PIPOX: variants seen among roughly 807,000 people sequenced by gnomAD.
The protein encoded by PIPOX is peroxisomal sarcosine oxidase.
In PIPOX, 45 loss-of-function variants were observed where a neutral mutation model predicts 47.9. The ratio of observed to expected loss-of-function variants is 0.94; its 90% CI spans 0.74 to 1.20. The LOEUF (loss-of-function observed/expected upper bound fraction) is 1.20, where lower values mean the gene tolerates loss of function less well. Ranked by LOEUF, PIPOX falls within the 50% of genes most tolerant of loss-of-function variation. The probability of loss-of-function intolerance (pLI) is 0.00; values close to 1 mark genes in which losing one functional copy is unlikely to be tolerated. For missense variants in PIPOX, 458 were observed against 498.4 expected, an observed-to-expected ratio of 0.92 and a Z score of 0.77; for synonymous variants, 165 against 191.3, an observed-to-expected ratio of 0.86 and a Z score of 1.13.
chr17:29,055,108 T>G lies in PIPOX; in HGVS notation c.853T>G (p.Cys285Gly), dbSNP rs1414649970. 2.5e-6 allele frequency: 4 copies of G among 1,614,054 alleles called. No individual in the cohort carries two copies. Among genetic ancestry groups the G allele is most frequent in the Non-Finnish European group, 3.4e-6 (4 of 1,179,998 alleles). ...CCACGCAGACCCTGAGGAGCGGGACTGCCCCACAGCACGCACAGACATCGG... is the reference window on the plus strand; with the variant it reads ...CCACGCAGACCCTGAGGAGCGGGACGGCCCCACAGCACGCACAGACATCGG... Reference protein sequence around the residue: ...GNHADPEERDCPTARTDIGDV... With the variant: ...GNHADPEERDGPTARTDIGDV... Residue 285 changes from cysteine (C) to glycine (G), a missense_variant, in exon 6 of 8, where the codon TGC becomes GGC. Physicochemically the swap from Cys to Gly is radical, Grantham distance 159 (BLOSUM62 -3). Coordinates refer to ENST00000323372, the MANE Select transcript of PIPOX (RefSeq NM_016518.3).
In PIPOX at chr17:29,052,922, A is replaced by G; in HGVS notation, c.266A>G (p.Gln89Arg). 6.2e-7 allele frequency: 1 copy of G among 1,614,168 alleles called. No homozygotes were observed. The highest frequency in any genetic ancestry group is 8.5e-7 in the Non-Finnish European group (1 of 1,179,970). ...CTAGGTGACTTATTTTTTAACAGGC[A>G]GACTGGATTACTGCTGCTGGGAATG... is the stretch of plus-strand genomic sequence containing the variant. ...EHEAGTQLHR[Q>R]TGLLLLGMKE... The change falls in exon 3 of 8, where the codon CAG (glutamine) becomes CGG (arginine). Residue 89 changes from glutamine (Q) to arginine (R), a missense_variant and splice_region_variant. Physicochemically the swap from Gln to Arg is conservative, Grantham distance 43. Transcript: ENST00000323372.
intron 2 of PIPOX, among the ~76,000 whole-genome samples, chr17:29,049,833 T>A (rs531651306): frequency 6.6e-6 from 1 of 152,326 alleles, no homozygotes; most frequent in African/African-American, 2.4e-5. Context: ...GGGTCTGGCA[T>A]CACACATTCA....
intron 2 of PIPOX, among the ~76,000 whole-genome samples, chr17:29,045,732 A>G (rs2065783342): frequency 1.3e-5 from 2 of 152,094 alleles, no homozygotes; most frequent in South Asian, 4.2e-4. Flanking sequence ...AGTCAAATCA[A>G]CATCCTAACT....
intron 2 of PIPOX, 70 bp from the exon 3 acceptor site, chr17:29,052,849 AG>A: frequency 7.6e-7 from 1 of 1,317,018 alleles, no homozygotes; most frequent in Non-Finnish European, 1.1e-6. Flanking sequence ...CTGGGATTAC[AG>A]GCGTGAGTCG....
chr17:29,049,684 C>T (rs541904950), intron 2 of PIPOX, among the ~76,000 whole-genome samples: 10 of 152,230 alleles, frequency 6.6e-5, no homozygotes, highest in Non-Finnish European at 1.3e-4. Flanking sequence ...CATTTATTTC[C>T]GATTTGCTCA....
rs773644440 is a variant in PIPOX, at chr17:29,054,573, G to A, written c.689G>A (p.Arg230Gln). The A allele has an allele frequency of 6.2e-6, 10 of 1,614,186 alleles. No individual in the cohort carries two copies. In the South Asian group the frequency reaches 8.8e-5, roughly 14 times the overall value. ...QTLRINVCYWREMVPGSYGVS... is the reference protein window; with the variant it reads ...QTLRINVCYWQEMVPGSYGVS... Reference sequence around the variant, plus strand: ...CTGCGGATCAACGTGTGTTACTGGCGAGAGATGGTTCCTGGGAGCTATGGT... The same window carrying A: ...CTGCGGATCAACGTGTGTTACTGGCAAGAGATGGTTCCTGGGAGCTATGGT... Residue 230 changes from arginine to glutamine, a missense_variant, in exon 5 of 8, where the codon CGA becomes CAA. By Grantham distance (43) the Arg-to-Gln change is conservative. Coordinates refer to ENST00000323372, the MANE Select transcript of PIPOX (RefSeq NM_016518.3).
chr17:29,055,897 G>A lies in PIPOX; in HGVS notation c.1042+9G>A. ...TGGTGCTGGATTCTCTGGTGAGTCT[G>A]AGCTGGGGGGAATGGGGTGCCTTAA... On this transcript the variant is annotated intron_variant, in intron 7 of 7. Transcript: ENST00000323372. 1.2e-6 allele frequency: 2 copies of A among 1,613,212 alleles called. No homozygotes were observed. Among genetic ancestry groups the A allele is most frequent in the Non-Finnish European group, 1.7e-6 (2 of 1,179,186 alleles).
intron 2 of PIPOX, among the ~76,000 whole-genome samples, chr17:29,050,387 T>G (rs2065801275): frequency 6.6e-6 from 1 of 152,156 alleles, no homozygotes; most frequent in Admixed American, 6.5e-5. Flanking sequence ...ACTTCATACT[T>G]ATTTGTTGAG....
chr17:29,047,146 G>C (rs758538546), intron 2 of PIPOX, among the ~76,000 whole-genome samples: 2 of 152,138 alleles, frequency 1.3e-5, no homozygotes, highest in Non-Finnish European at 2.9e-5. Flanking sequence ...AAGTAGCCAG[G>C]CATGGTGGTG....
intron 2 of PIPOX, among the ~76,000 whole-genome samples, chr17:29,047,318 G>A (rs2152698288): frequency 6.6e-6 from 1 of 152,172 alleles, no homozygotes; most frequent in Middle Eastern, 3.4e-3. Flanking sequence ...GAAAAGAAAA[G>A]AAAAGAAAAA....
rs370809915 is a variant in PIPOX, at chr17:29,045,720, A to G, written c.263+713A>G. On this transcript the variant is annotated intron_variant, in intron 2 of 7. Transcript: ENST00000323372. ...CACCGTGCCTGGCCCAGGATTCTTT[A>G]TAGTCAAATCAACATCCTAACTTTT... Among the ~76,000 whole-genome samples, 7 of 151,944 alleles carry G rather than the reference A, an allele frequency of 4.6e-5. No individual in the cohort carries two copies. The East Asian group carries it at 7.8e-4, about 17-fold the overall frequency.
intron 6 of PIPOX, 89 bp downstream of exon 6, chr17:29,055,310 G>T (rs1477653909): frequency 6.9e-7 from 1 of 1,459,826 alleles, no homozygotes; most frequent in South Asian, 1.2e-5. Flanking sequence ...AGGCCCGATT[G>T]TTTGACCCCT....
intron 1 of PIPOX, chr17:29,044,332 GTT>G (rs1393647073): frequency 6.6e-6 from 1 of 152,270 alleles, no homozygotes; most frequent in Non-Finnish European, 1.5e-5. Context: ...CAGCAGGATG[GTT>G]GAAGACTAGC....
rs2065773597 is a variant in PIPOX at position 29,043,307 on chromosome 17, A to G, written c.82A>G (p.Lys28Glu). 3.1e-6 allele frequency: 5 copies of G among 1,613,668 alleles called. No individual in the cohort carries two copies. The South Asian group carries it at 5.5e-5, about 18-fold the overall frequency. Residue 28 changes from lysine to glutamate, a missense_variant, in exon 1 of 8, where the codon AAA becomes GAA. Transcript: ENST00000323372. ...QGCFTAYHLA[K>E]HRKRILLLEQ... ...CTGCTTCACTGCATACCACCTGGCC[A>G]AACACAGGAAGAGGATCCTCCTGCT... is the stretch of plus-strand genomic sequence containing the variant.
At chr17:29,055,265 C>T in intron 6 of PIPOX, 44 bp downstream of exon 6, 2 of 1,610,058 alleles carry the variant, frequency 1.2e-6, no homozygotes, top group Middle Eastern at 3.3e-4. Flanking sequence ...CACCACTCTA[C>T]AGAAGGGAAG....
At chr17:29,055,947 G>A (rs937839888) in intron 7 of PIPOX, 59 bp downstream of exon 7, 9 of 1,483,066 alleles carry the variant, frequency 6.1e-6, no homozygotes, top group Non-Finnish European at 8.5e-6. Flanking sequence ...AGTGCCAGGT[G>A]AAATGGTATT....
Position 29,045,020 on chromosome 17 carries a change from A to T in PIPOX, c.263+13A>T, listed in dbSNP as rs768286025. The T allele has an allele frequency of 7.6e-6, 12 of 1,581,966 alleles. No homozygotes were observed. The highest frequency in any genetic ancestry group is 8.6e-6 in the Non-Finnish European group (10 of 1,162,528). On this transcript the variant is annotated intron_variant, in intron 2 of 7. Transcript: ENST00000323372. ...CCCAATTGCACAGGTGGGCTGTGGG[A>T]GGAATTCCTTGAATCGTGGGGCTCT...
chr17:29,047,935 A>G (rs1291384222), intron 2 of PIPOX, among the ~76,000 whole-genome samples: 6 of 152,238 alleles, frequency 3.9e-5, no homozygotes, highest in African/African-American at 1.4e-4. Context: ...TTAAAAGACC[A>G]TTCTGATGTC....
chr17:29,052,428 A>G lies in PIPOX; in HGVS notation c.264-492A>G, dbSNP rs536748273. The stretch of plus-strand genomic sequence containing the variant: ...ACTTGGGAATGGGCTGGAAATCAGC[A>G]TGAGAATACTGGGATTCTACCGACT... On this transcript the variant is annotated intron_variant, in intron 2 of 7. Transcript: ENST00000323372. 3.9e-5 allele frequency among the ~76,000 whole-genome samples: 6 copies of G among 152,364 alleles called. No homozygotes were observed. In the South Asian group the frequency reaches 1.2e-3, roughly 32 times the overall value.
Sources: allele counts gnomAD v4.1 joint callset (sites outside exome capture counted in the v4.1 genomes callset), GRCh38; gene constraint gnomAD v4.1.1; transcripts MANE v1.5; gene names NCBI Gene and HGNC (gene_info 2026-07-23, HGNC 2026-07-21).